Variants in ZC3H12B observed in about 807,000 individuals in gnomAD.
ZC3H12B encodes zinc finger CCCH-type containing 12B, also known as probable ribonuclease ZC3H12B.
ZC3H12B carries 7 observed loss-of-function variants against 43.9 expected under a neutral mutation model. That is an observed-to-expected ratio of 0.16 (90% confidence interval 0.09 to 0.30). The LOEUF (loss-of-function observed/expected upper bound fraction) is 0.30, where lower values mean the gene tolerates loss of function less well. ZC3H12B is among the 10% of genes least tolerant of loss of function. The pLI is 1.00. For synonymous variants in ZC3H12B, 222 were observed against 241.7 expected (o/e 0.92, Z 0.76); for missense variants, 475 against 670.2 (o/e 0.71, Z 3.22).
At chrX:65,330,825 G>A in the ZC3H12B span, 15 of 192,040 alleles carry the variant, frequency 7.8e-5, no homozygotes, top group East Asian at 1.4e-4. Context: ...ATCTACCCAG[G>A]CCCTTTTCTT....
Position 65,394,360 on chromosome X carries a change from T to C in ZC3H12B, n.296-4233T>C, listed in dbSNP as rs771810933. Among the ~76,000 whole-genome samples, 22 of 112,809 alleles carry C rather than the reference T, an allele frequency of 2.0e-4. No homozygotes were observed. In the East Asian group the frequency reaches 5.8e-3, roughly 30 times the overall value. On this transcript the variant is annotated intron_variant and non_coding_transcript_variant, in intron 2 of 5. Transcript: ENST00000617377. ...GTTTTACATTTAAGTCTTTAATCCATCTTGAGCTAATTTTTGTATTAGGTG... is the reference window on the plus strand; with the variant it reads ...GTTTTACATTTAAGTCTTTAATCCACCTTGAGCTAATTTTTGTATTAGGTG...
chrX:65,351,536 C>A, the ZC3H12B span, among the ~76,000 whole-genome samples: 1 of 112,229 alleles, frequency 8.9e-6, no homozygotes, highest in Non-Finnish European at 1.9e-5. Flanking sequence ...AGGCAACCTG[C>A]ACAACGGGAG....
chrX:65,133,669 G>T, the ZC3H12B span, among the ~76,000 whole-genome samples: 1 of 110,996 alleles, frequency 9.0e-6, no homozygotes, highest in African/African-American at 3.3e-5. Flanking sequence ...ATTATAGGGT[G>T]GGAGAGCGGA....
At chrX:65,228,487 C>T in the ZC3H12B span, among the ~76,000 whole-genome samples, 1 of 110,758 alleles carries the variant, frequency 9.0e-6, no homozygotes, top group Non-Finnish European at 1.9e-5. Context: ...ACAGGGATGC[C>T]CTCTCTCACC....
At chrX:65,408,124 A>G (rs2066858930) in intron 3 of ZC3H12B, 1 of 1,198,819 alleles carries the variant, frequency 8.3e-7, no homozygotes, top group African/African-American at 1.7e-5. Context: ...ACCAGGCTGC[A>G]GGCCAGCCCT....
chrX:65,456,528 C>A (rs2067615287), intron 3 of ZC3H12B, among the ~76,000 whole-genome samples: 2 of 104,230 alleles, frequency 1.9e-5, no homozygotes, highest in South Asian at 9.4e-4. Context: ...CGGCTCACTG[C>A]AACCTCCCTG....
chrX:65,457,680 TAGA>T (rs1412141637), intron 3 of ZC3H12B, among the ~76,000 whole-genome samples: 1 of 70,553 alleles, frequency 1.4e-5, no homozygotes, highest in Non-Finnish European at 2.2e-5. Context: ...TCTGTGTGGA[TAGA>T]AGTAGACATG....
chrX:65,489,287 G>A (rs1394850665), exon 1 of ZC3H12B: 1 of 1,211,740 alleles, frequency 8.3e-7, no homozygotes, highest in South Asian at 1.8e-5. Context: ...ACTTGAGTCT[G>A]TTAGTGCCTC....
chrX:65,234,275 A>G, the ZC3H12B span, among the ~76,000 whole-genome samples: 1 of 112,306 alleles, frequency 8.9e-6, no homozygotes, highest in African/African-American at 3.2e-5. Flanking sequence ...TCATTCCAAT[A>G]TATGCCAAAT....
At chrX:65,411,955 AATAC>A (rs2066908885) in intron 3 of ZC3H12B, among the ~76,000 whole-genome samples, 1 of 110,709 alleles carries the variant, frequency 9.0e-6, no homozygotes, top group African/African-American at 3.3e-5. Context: ...TACAAATAAT[AATAC>A]ATATATAATT....
chrX:65,220,347 T>C, the ZC3H12B span, among the ~76,000 whole-genome samples: 1 of 111,509 alleles, frequency 9.0e-6, no homozygotes, highest in Non-Finnish European at 1.9e-5. Context: ...GAATAAGACC[T>C]CACATCTCAA....
the ZC3H12B span, among the ~76,000 whole-genome samples, chrX:65,147,748 C>T: frequency 9.0e-6 from 1 of 111,019 alleles, no homozygotes; most frequent in African/African-American, 3.3e-5. Context: ...AACCCAACGT[C>T]TACTGGAGTC....
chrX:65,477,803 T>C (rs1162398973), intron 3 of ZC3H12B, among the ~76,000 whole-genome samples: 1 of 101,841 alleles, frequency 9.8e-6, no homozygotes, highest in Non-Finnish European at 1.9e-5. Context: ...TTGGAAAAAC[T>C]CAAAAACATT....
At chrX:65,080,406 AAAG>A in the ZC3H12B span, among the ~76,000 whole-genome samples, 7 of 111,151 alleles carry the variant, frequency 6.3e-5, no homozygotes, top group Non-Finnish European at 1.3e-4. Flanking sequence ...GATTTAACTG[AAAG>A]AAGACTACCT....
the ZC3H12B span, among the ~76,000 whole-genome samples, chrX:65,210,047 C>G: frequency 2.1e-5 from 1 of 48,704 alleles, no homozygotes; most frequent in East Asian, 5.5e-4. Flanking sequence ...GCAATGGCAA[C>G]AAAAGCCAAA....
chrX:65,116,516 G>C, the ZC3H12B span, among the ~76,000 whole-genome samples: 1 of 110,619 alleles, frequency 9.0e-6, no homozygotes, highest in South Asian at 3.8e-4. Flanking sequence ...GCTAAGACTT[G>C]CTTTGGGTAT....
the ZC3H12B span, among the ~76,000 whole-genome samples, chrX:65,144,175 C>T: frequency 9.0e-6 from 1 of 111,488 alleles, no homozygotes; most frequent in Admixed American, 9.5e-5. Context: ...TTCAATCTCA[C>T]TGCTTTTTAT....
the ZC3H12B span, among the ~76,000 whole-genome samples, chrX:65,309,824 G>A: frequency 2.7e-3 from 302 of 111,785 alleles, 2 homozygotes; most frequent in African/African-American, 9.3e-3. Context: ...CTTCATCCCT[G>A]GGATACAAAC....
At chrX:65,260,424 G>A in the ZC3H12B span, among the ~76,000 whole-genome samples, 6 of 111,172 alleles carry the variant, frequency 5.4e-5, no homozygotes, top group Admixed American at 9.6e-5. Flanking sequence ...TGAGGGTGTA[G>A]GGTGGGAAGA....
Sources: gnomAD v4.1 joint callset for allele counts (sites outside exome capture counted in the v4.1 genomes callset) on GRCh38, gnomAD v4.1.1 for gene constraint, MANE v1.5 for transcripts, NCBI Gene and HGNC (gene_info 2026-07-23, HGNC 2026-07-21) for gene names.